DYM: variants seen among roughly 807,000 people sequenced by gnomAD.
The protein encoded by DYM is dyggve-Melchior-Clausen syndrome protein.
In DYM, 78 loss-of-function variants were observed where a neutral mutation model predicts 93.1. That is an observed-to-expected ratio of 0.84 (90% CI 0.70 to 1.01). The LOEUF (loss-of-function observed/expected upper bound fraction) is 1.01. DYM is among the 50% of genes least tolerant of loss of function. The probability of loss-of-function intolerance (pLI) is 0.00; values close to 1 mark genes in which losing one functional copy is unlikely to be tolerated. For synonymous variants in DYM, 321 were observed against 319.7 expected, an observed-to-expected ratio of 1.00 and a Z score of -0.04; for missense variants, 789 against 845.0, an observed-to-expected ratio of 0.93 and a Z score of 0.82.
At position 49,331,850 on chromosome 18, in the gene DYM, C is replaced by G. The variant is rs2063327666; in HGVS notation, c.763+14G>C. 4.3e-6 allele frequency: 7 copies of G among 1,613,772 alleles called. No homozygotes were observed. The highest frequency in any genetic ancestry group is 1.3e-5 in the African/African-American group (1 of 74,924). On this transcript the variant is annotated intron_variant, in intron 8 of 17. Transcript: ENST00000675505. ...ATGTGCACCAAAGAATTGAAAAAAT[C>G]TGATAAAACTTACTTGCTACTCCTG...
chr18:49,254,281 CATATATATATATATATATATAT>C (rs3084549), intron 13 of DYM, among the ~76,000 whole-genome samples: 77,151 of 136,618 alleles, frequency 0.56, 24,524 homozygotes, highest in Non-Finnish European at 0.71. Flanking sequence ...ATCCTTGTAT[CATATATATATATATATATATAT>C]ATATATATAT....
intron 8 of DYM, among the ~76,000 whole-genome samples, chr18:49,320,950 A>C (rs1366823079): frequency 6.6e-6 from 1 of 152,230 alleles, no homozygotes; most frequent in Non-Finnish European, 1.5e-5. Context: ...AGTAACCTTG[A>C]ATAAATTTAA....
intron 14 of DYM, among the ~76,000 whole-genome samples, chr18:49,180,238 C>T (rs2089797165): frequency 6.6e-6 from 1 of 152,046 alleles, no homozygotes; most frequent in African/African-American, 2.4e-5. Flanking sequence ...AAATTATTAT[C>T]TAAATCATGG....
rs749887860 is a variant in DYM, at chr18:49,163,776, A to G, written c.1637T>C (p.Leu546Ser). 1.2e-6 allele frequency: 2 copies of G among 1,607,894 alleles called. No homozygotes were observed. Among genetic ancestry groups the G allele is most frequent in the South Asian group, 2.2e-5 (2 of 90,174 alleles). ...LRSYASSLFS[L>S]LSKKHNKVLE... ...AACTTTGTTGTGTTTTTTAGACAGC[A>G]AAGAAAATAAACTGGAAAAACAAAC... Residue 546 changes from leucine (L) to serine (S), a missense_variant, in exon 15 of 18, where the codon TTG becomes TCG. Physicochemically the swap from Leu to Ser is moderately radical, Grantham distance 145. This residue lies in a region of DYM where 225 missense variants were observed against 303.0 expected (regional missense o/e 0.74). Transcript: ENST00000675505.
At chr18:49,067,614 T>A (rs1052793680) in intron 17 of DYM, among the ~76,000 whole-genome samples, 1 of 152,094 alleles carries the variant, frequency 6.6e-6, no homozygotes, top group Non-Finnish European at 1.5e-5. Context: ...GTGCATGCCA[T>A]GTTCAGAGAA....
chr18:49,319,596 CTT>C (rs1408344571), intron 8 of DYM, among the ~76,000 whole-genome samples: 1 of 152,162 alleles, frequency 6.6e-6, no homozygotes, highest in Admixed American at 6.5e-5. Flanking sequence ...GTTCTGGACA[CTT>C]ATCACACGTT....
intron 14 of DYM, among the ~76,000 whole-genome samples, chr18:49,207,662 C>T (rs1202010342): frequency 6.6e-6 from 1 of 152,128 alleles, no homozygotes; most frequent in Non-Finnish European, 1.5e-5. Flanking sequence ...AAAAATCCTG[C>T]CTGAGTCACT....
intron 2 of DYM, 115 bp downstream of exon 2, chr18:49,430,140 T>G: frequency 9.7e-7 from 1 of 1,026,328 alleles, no homozygotes; most frequent in East Asian, 2.4e-5. Flanking sequence ...GATCTATGTA[T>G]GACAGATAGA....
intron 13 of DYM, among the ~76,000 whole-genome samples, chr18:49,216,958 G>A (rs997889384): frequency 6.6e-6 from 1 of 152,192 alleles, no homozygotes; most frequent in African/African-American, 2.4e-5. Flanking sequence ...AGTACTCCGA[G>A]CTACAGGAGG....
chr18:49,046,296 TGC>T (rs141341623), intron 17 of DYM, among the ~76,000 whole-genome samples: 3,881 of 124,774 alleles, frequency 0.031, 58 homozygotes, highest in South Asian at 0.082. Flanking sequence ...CACCCAGACA[TGC>T]GCGCGCACAC....
intron 6 of DYM, among the ~76,000 whole-genome samples, chr18:49,360,799 T>C (rs1456008245): frequency 1.3e-5 from 2 of 152,148 alleles, no homozygotes; most frequent in Non-Finnish European, 2.9e-5. Context: ...TAGGTATCTA[T>C]TTTTCTCATG....
At chr18:49,342,157 T>C (rs561202912) in intron 6 of DYM, among the ~76,000 whole-genome samples, 1 of 152,196 alleles carries the variant, frequency 6.6e-6, no homozygotes, top group Non-Finnish European at 1.5e-5. Context: ...CAGGTCCCTG[T>C]TTTCTTGCTG....
chr18:49,331,599 C>T (rs1414978189), intron 8 of DYM, among the ~76,000 whole-genome samples: 1 of 152,198 alleles, frequency 6.6e-6, no homozygotes, highest in African/African-American at 2.4e-5. Context: ...AGCTACAATT[C>T]ATGCAATACG....
intron 1 of DYM, among the ~76,000 whole-genome samples, chr18:49,432,693 C>T (rs1465505859): frequency 6.8e-6 from 1 of 148,088 alleles, no homozygotes; most frequent in Non-Finnish European, 1.5e-5. Flanking sequence ...CTCATTGTAA[C>T]CTCAAACTCC....
At chr18:49,289,529 T>C (rs2059900159) in intron 8 of DYM, among the ~76,000 whole-genome samples, 1 of 148,680 alleles carries the variant, frequency 6.7e-6, no homozygotes, top group Non-Finnish European at 1.5e-5. Context: ...CAGTGAGACC[T>C]TGTCTCTACA....
Position 49,412,724 on chromosome 18 carries a change from C to T in DYM, c.140+17531G>A, listed in dbSNP as rs541926075. On this transcript the variant is annotated intron_variant, in intron 2 of 17. Transcript: ENST00000675505. The stretch of plus-strand genomic sequence containing the variant: ...CTAATAAAATTGAACATAAAGTGTG[C>T]CAAAGAGCCTAAAAATATAGAAACA... 9.2e-5 allele frequency among the ~76,000 whole-genome samples: 14 copies of T among 152,132 alleles called. No individual in the cohort carries two copies. The South Asian group carries it at 1.9e-3, about 20-fold the overall frequency.
intron 6 of DYM, among the ~76,000 whole-genome samples, chr18:49,353,912 T>A (rs921515677): frequency 2.0e-5 from 3 of 152,058 alleles, no homozygotes; most frequent in Non-Finnish European, 4.4e-5. Flanking sequence ...TAGTAACTTG[T>A]AGTAACACAA....
At chr18:49,318,623 CA>C (rs1282074475) in intron 8 of DYM, among the ~76,000 whole-genome samples, 1 of 150,220 alleles carries the variant, frequency 6.7e-6, no homozygotes. Flanking sequence ...TCTGTCCCCC[CA>C]CAAAAAAGAG....
chr18:49,324,198 T>C (rs573078942), intron 8 of DYM, among the ~76,000 whole-genome samples: 24 of 145,426 alleles, frequency 1.7e-4, no homozygotes, highest in African/African-American at 5.6e-4. Context: ...GATGTGCTCG[T>C]AGATTAAAGA....
Sources: allele counts gnomAD v4.1 joint callset (sites outside exome capture counted in the v4.1 genomes callset), GRCh38; gene constraint gnomAD v4.1.1; regional missense constraint gnomAD v4.1.1; transcripts MANE v1.5; gene names NCBI Gene and HGNC (gene_info 2026-07-23, HGNC 2026-07-21).